Variants in SCRN2 observed in about 807,000 individuals in gnomAD.
The protein encoded by SCRN2 is secernin-2.
In SCRN2, 30 loss-of-function variants were observed where a neutral mutation model predicts 40.1. The ratio of observed to expected loss-of-function variants is 0.75; its 90% CI spans 0.56 to 1.01. SCRN2 has a LOEUF of 1.01. SCRN2 is among the 50% of genes least tolerant of loss of function. The pLI, the probability that SCRN2 is intolerant of heterozygous loss-of-function variation, is 0.00. For missense variants in SCRN2, 526 were observed against 564.9 expected (o/e 0.93, Z 0.70); for synonymous variants, 240 against 233.5 (o/e 1.03, Z -0.25).
At position 47,838,928 on chromosome 17, in the gene SCRN2, G is replaced by C. The variant is rs757251902; in HGVS notation, c.635C>G (p.Ala212Gly). 1 of 1,614,026 alleles carries C rather than the reference G, an allele frequency of 6.2e-7. No homozygotes were observed. The highest frequency in any genetic ancestry group is 2.2e-5 in the East Asian group (1 of 44,888). Residue 212 changes from alanine (A) to glycine (G), a missense_variant, in exon 5 of 8, where the codon GCC (alanine) becomes GGC (glycine). Physicochemically the swap from Ala to Gly is moderately conservative, Grantham distance 60 (BLOSUM62 0). Transcript: ENST00000290216. ...SAQHPELRTH[A>G]QAKGWWDGQG... ...CCCATCCCACCAGCCCTTGGCCTGGGCATGAGTCCGCAGCTCCGGGTGTTG... is the reference window on the plus strand; with the variant it reads ...CCCATCCCACCAGCCCTTGGCCTGGCCATGAGTCCGCAGCTCCGGGTGTTG...
chr17:47,838,606 C>T lies in SCRN2; in HGVS notation c.863G>A (p.Ser288Asn), dbSNP rs1414311832. 1.2e-6 allele frequency: 2 copies of T among 1,614,084 alleles called. No homozygotes were observed. Among genetic ancestry groups the T allele is most frequent in the South Asian group, 2.2e-5 (2 of 91,086 alleles). Residue 288 changes from serine (S) to asparagine (N), a missense_variant, in exon 6 of 8, where the codon AGC (serine) becomes AAC (asparagine). Coordinates refer to ENST00000290216, the MANE Select transcript of SCRN2 (RefSeq NM_138355.4). ...ATCCTGGGGCAGGACAGACACCATGCTGGCCGTGGTGCGAAAGCCTCCCGA... is the reference window on the plus strand; with the variant it reads ...ATCCTGGGGCAGGACAGACACCATGTTGGCCGTGGTGCGAAAGCCTCCCGA... ...MDSGGFRTTA[S>N]MVSVLPQDPT...
At position 47,840,734 on chromosome 17, in the gene SCRN2, C is replaced by A; in HGVS notation, c.110G>T (p.Arg37Leu). 2 of 1,600,876 alleles carry A rather than the reference C, an allele frequency of 1.2e-6. No homozygotes were observed. Among genetic ancestry groups the A allele is most frequent in the Non-Finnish European group, 1.7e-6 (2 of 1,173,276 alleles). ...AAACACCACCTCCTGCACCTCGTCC[C>A]GGGGTCGGTCCGAGTTCTTGGCAAA... ...VIFAKNSDRP[R>L]DEVQEVVFVP... The change falls in exon 2 of 8, where the codon CGG (arginine) becomes CTG (leucine). Residue 37 changes from arginine to leucine, a missense_variant. By Grantham distance (102) the Arg-to-Leu change is moderately radical. Coordinates refer to ENST00000290216, the MANE Select transcript of SCRN2 (RefSeq NM_138355.4).
rs1240273831 is a variant in SCRN2, at chr17:47,837,858, G to T, written c.1264C>A (p.Gln422Lys). ...LFQAFVKRES[Q>K]AYA ...AGCTATGAAGCTTACGCATAAGCCT[G>T]GCTCTCCCTCTTCACGAAGGCCTGG... is the stretch of plus-strand genomic sequence containing the variant. Residue 422 changes from glutamine to lysine, a missense_variant, in exon 8 of 8, where the codon CAG becomes AAG. By Grantham distance (53) the Gln-to-Lys change is moderately conservative (BLOSUM62 1). Coordinates refer to ENST00000290216, the MANE Select transcript of SCRN2 (RefSeq NM_138355.4). 6.2e-7 allele frequency: 1 copy of T among 1,600,518 alleles called. No individual in the cohort carries two copies. The highest frequency in any genetic ancestry group is 2.2e-5 in the East Asian group (1 of 44,800).
chr17:47,838,153 C>T (rs2033731485), intron 7 of SCRN2, 117 bp downstream of exon 7: 6 of 1,521,746 alleles, frequency 3.9e-6, no homozygotes, highest in Non-Finnish European at 5.3e-6. Context: ...GGAGGAACTC[C>T]TCTCCCCAGC....
chr17:47,838,453 A>T lies in SCRN2; in HGVS notation c.939-3T>A. On this transcript the variant is annotated splice_polypyrimidine_tract_variant and splice_region_variant and intron_variant, in intron 6 of 7. Transcript: ENST00000290216. ...AGATGAAAGGTTTGAACACAGACCT[A>T]GAGGGGCACAGATGGAAGCACGGAG... 6.2e-7 allele frequency: 1 copy of T among 1,613,438 alleles called. No homozygotes were observed. Among genetic ancestry groups the T allele is most frequent in the Non-Finnish European group, 8.5e-7 (1 of 1,179,834 alleles).
chr17:47,838,379 C>A lies in SCRN2; in HGVS notation c.1010G>T (p.Gly337Val), dbSNP rs2033741074. The change falls in exon 7 of 8, where the codon GGA (glycine) becomes GTA (valine). Residue 337 changes from glycine to valine, a missense_variant. Coordinates refer to ENST00000290216, the MANE Select transcript of SCRN2 (RefSeq NM_138355.4). The part of the protein sequence containing the change: ...QAPQVLSPTF[G>V]AQDPVRTLPR... Reference sequence around the variant, plus strand: ...CAGGGTCCGAACAGGGTCTTGTGCTCCAAAAGTGGGGGACAGCACCTGGGG... The same window carrying A: ...CAGGGTCCGAACAGGGTCTTGTGCTACAAAAGTGGGGGACAGCACCTGGGG... The A allele has an allele frequency of 6.2e-7, 1 of 1,609,510 alleles. No individual in the cohort carries two copies.
In SCRN2 at chr17:47,838,967, G is replaced by A. The variant is rs143848838; in HGVS notation, c.596C>T (p.Thr199Met). ...RNISNQLSIG[T>M]DISAQHPELR... ...CTCCGGGTGTTGGGCCGAGATGTCC[G>A]TGCCAATGCTCAGCTGGTTGGAGAT... The change falls in exon 5 of 8, where the codon ACG (threonine) becomes ATG (methionine). Residue 199 changes from threonine (T) to methionine (M), a missense_variant. Transcript: ENST00000290216. 5.0e-6 allele frequency: 8 copies of A among 1,613,908 alleles called. No individual in the cohort carries two copies. Among genetic ancestry groups the A allele is most frequent in the Non-Finnish European group, 6.8e-6 (8 of 1,180,054 alleles).
intron 7 of SCRN2, 110 bp downstream of exon 7, chr17:47,838,160 C>T: frequency 6.5e-7 from 1 of 1,527,862 alleles, no homozygotes; most frequent in Non-Finnish European, 8.7e-7. Context: ...CTCCTCTCCC[C>T]AGCTCTGAAA....
chr17:47,840,632 C>A, intron 2 of SCRN2, 38 bp downstream of exon 2: 1 of 1,549,450 alleles, frequency 6.5e-7, no homozygotes, highest in Non-Finnish European at 8.7e-7. Context: ...ATGCAGAGAT[C>A]TGCCACACCT....
rs780571854 is a variant in SCRN2, at chr17:47,838,290, C to G, written c.1099G>C (p.Gly367Arg). The G allele has an allele frequency of 2.5e-6, 4 of 1,600,772 alleles. No individual in the cohort carries two copies. The Admixed American group carries it at 7.1e-5, about 29-fold the overall frequency. Reference sequence around the variant, plus strand: ...GATACCTGATCTCTCTCCATCAGCCCCAGGGCTGCCTGGTGTCCACGGTAG... The same window carrying G: ...GATACCTGATCTCTCTCCATCAGCCGCAGGGCTGCCTGGTGTCCACGGTAG... ...TLYRGHQAAL[G>R]LMERDQDRGQ... is the part of the protein sequence containing the mutation. Residue 367 changes from glycine (G) to arginine (R), a missense_variant, in exon 7 of 8, where the codon GGG becomes CGG. By Grantham distance (125) the Gly-to-Arg change is moderately radical. Transcript: ENST00000290216.
Position 47,837,955 on chromosome 17 carries a change from T to C in SCRN2, c.1167A>G (p.Glu389=). The part of the protein sequence containing the change: ...LQQKQQDLEQ[E]GLEATQGLLA... ...GCAGCCCCTGTGTGGCCTCGAGGCCTTCCTGCTCCAGATCCTGCTGTTTCT... is the reference window on the plus strand; with the variant it reads ...GCAGCCCCTGTGTGGCCTCGAGGCCCTCCTGCTCCAGATCCTGCTGTTTCT... The change falls in exon 8 of 8, where the codon GAA becomes GAG. Residue 389 remains glutamate, a synonymous_variant. Coordinates refer to ENST00000290216, the MANE Select transcript of SCRN2 (RefSeq NM_138355.4). The C allele has an allele frequency of 6.2e-7, 1 of 1,607,450 alleles. No individual in the cohort carries two copies. Among genetic ancestry groups the C allele is most frequent in the Non-Finnish European group, 8.5e-7 (1 of 1,179,488 alleles).
chr17:47,838,848 T>G lies in SCRN2; in HGVS notation c.715A>C (p.Met239Leu). The G allele has an allele frequency of 1.2e-6, 2 of 1,613,640 alleles. No individual in the cohort carries two copies. Among genetic ancestry groups the G allele is most frequent in the Non-Finnish European group, 1.7e-6 (2 of 1,180,026 alleles). The change falls in exon 5 of 8, where the codon ATG (methionine) becomes CTG (leucine). Residue 239 changes from methionine to leucine, a missense_variant. By Grantham distance (15) the Met-to-Leu change is conservative. Coordinates refer to ENST00000290216, the MANE Select transcript of SCRN2 (RefSeq NM_138355.4). ...IFSLTQQPVR[M>L]EAAKARFQAG... Reference sequence around the variant, plus strand: ...TGGAAGCGGGCCTTGGCAGCCTCCATGCGCACAGGCTGCTGGGTCAGGGAG... The same window carrying G: ...TGGAAGCGGGCCTTGGCAGCCTCCAGGCGCACAGGCTGCTGGGTCAGGGAG...
At chr17:47,840,908 C>A (rs551120464) in intron 1 of SCRN2, 65 bp from the exon 2 acceptor site, 49 of 1,375,072 alleles carry the variant, frequency 3.6e-5, no homozygotes, top group Middle Eastern at 2.2e-4. Flanking sequence ...AGCCTACCCC[C>A]ACACGTGTAA....
intron 7 of SCRN2, 109 bp from the exon 8 acceptor site, chr17:47,838,111 A>C: frequency 1.2e-5 from 19 of 1,533,114 alleles, no homozygotes; most frequent in Non-Finnish European, 1.7e-5. Flanking sequence ...ATACCCCCCG[A>C]CATTCCCCAA....
In SCRN2 at chr17:47,839,546, C is replaced by T; in HGVS notation, c.454G>A (p.Ala152Thr). The change falls in exon 4 of 8, where the codon GCT becomes ACT. Residue 152 changes from alanine (A) to threonine (T), a missense_variant. Ala to Thr is a moderately conservative substitution (Grantham distance 58). Coordinates refer to ENST00000290216, the MANE Select transcript of SCRN2 (RefSeq NM_138355.4). Reference protein sequence around the residue: ...YGQGGNCLEDAAPFSYHSTFL... With the variant: ...YGQGGNCLEDTAPFSYHSTFL... ...GTGCTATGGTAGGAGAATGGCGCAG[C>T]ATCCTCCAGGCAGTTGCCCCCCTGC... 1 of 1,614,020 alleles carries T rather than the reference C, an allele frequency of 6.2e-7. No homozygotes were observed. Among genetic ancestry groups the T allele is most frequent in the Non-Finnish European group, 8.5e-7 (1 of 1,180,050 alleles).
In SCRN2 at chr17:47,837,893, C is replaced by T; in HGVS notation, c.1229G>A (p.Gly410Asp). Residue 410 changes from glycine (G) to aspartate (D), a missense_variant, in exon 8 of 8, where the codon GGC becomes GAC. By Grantham distance (94) the Gly-to-Asp change is moderately conservative (BLOSUM62 -1). Transcript: ENST00000290216. ...CTTCACGAAGGCCTGGAAGAGGCTGCCCAGCTCCCAGAGGGGTGGGGCCCA... is the reference window on the plus strand; with the variant it reads ...CTTCACGAAGGCCTGGAAGAGGCTGTCCAGCTCCCAGAGGGGTGGGGCCCA... ...GEWAPPLWEL[G>D]SLFQAFVKRE... The T allele has an allele frequency of 6.2e-7, 1 of 1,604,020 alleles. No individual in the cohort carries two copies.
At chr17:47,841,139 C>T (rs2033816964) in intron 1 of SCRN2, 69 bp downstream of exon 1, 2 of 310,176 alleles carry the variant, frequency 6.4e-6, no homozygotes, top group Admixed American at 9.7e-5. Context: ...TGCGGCCCTG[C>T]GCATGCCCAG....
Position 47,840,211 on chromosome 17 carries a change from C to G in SCRN2, c.336G>C (p.Leu112=). The part of the protein sequence containing the change: ...TKEPVGEGEA[L]LGMDLLRLAL... The stretch of plus-strand genomic sequence containing the variant: ...TGCACCTGAGTAGGTCCATGCCCAG[C>G]AGGGCTTCCCCCTCCCCAACTGGCT... Residue 112 remains leucine (L), a synonymous_variant, in exon 3 of 8, where the codon CTG becomes CTC. Transcript: ENST00000290216. The G allele has an allele frequency of 1.2e-6, 2 of 1,613,568 alleles. No individual in the cohort carries two copies. Among genetic ancestry groups the G allele is most frequent in the Non-Finnish European group, 1.7e-6 (2 of 1,179,974 alleles).
At chr17:47,839,345 CT>C in intron 4 of SCRN2, 98 bp downstream of exon 4, 1 of 1,238,958 alleles carries the variant, frequency 8.1e-7, no homozygotes, top group South Asian at 1.4e-5. Flanking sequence ...CATCTCCCAT[CT>C]CCCTGGATGT....
Sources: gnomAD v4.1 joint callset for allele counts on GRCh38, gnomAD v4.1.1 for gene constraint, MANE v1.5 for transcripts, NCBI Gene and HGNC (gene_info 2026-07-23, HGNC 2026-07-21) for gene names.